The following DALRD3 variants were observed in gnomAD, a reference collection of about 807,000 sequenced individuals.
DALRD3 encodes the protein DALR anticodon binding domain containing 3.
DALRD3 carries 47 observed loss-of-function variants against 56.7 expected under a neutral mutation model. The observed-to-expected ratio is 0.83, with a 90% CI of 0.66 to 1.06. The LOEUF (loss-of-function observed/expected upper bound fraction) is 1.06, where lower values mean the gene tolerates loss of function less well. Among genes scored for constraint, DALRD3 ranks in the 50% least tolerant of loss-of-function variants. The pLI is 0.00. For missense variants in DALRD3, 787 were observed against 724.0 expected (o/e 1.09, Z -1.00); for synonymous variants, 347 against 308.5 (o/e 1.12, Z -1.31).
rs3923475 is a variant in DALRD3 at position 49,018,355 on chromosome 3, G to C, written c.166-37C>G. On this transcript the variant is annotated intron_variant, in intron 1 of 11. Transcript: ENST00000341949. ...CGGGCGTGTAAAAGAGCCACGGCACGGGGCCCATCTCCCGGCCGCACGGCC... is the reference window on the plus strand; with the variant it reads ...CGGGCGTGTAAAAGAGCCACGGCACCGGGCCCATCTCCCGGCCGCACGGCC... 2,280 of 1,516,330 alleles carry C rather than the reference G, an allele frequency of 1.5e-3. 29 individuals carry two copies. In the African/African-American group the frequency reaches 0.028, roughly 19 times the overall value. 93.9% of individuals were successfully genotyped at this position (1,516,330 alleles called of 1,614,324 possible).
In DALRD3 at chr3:49,018,473, C is replaced by G; in HGVS notation, c.92G>C (p.Arg31Pro). Residue 31 changes from arginine to proline, a missense_variant, in exon 1 of 12, where the codon CGC (arginine) becomes CCC (proline). Coordinates refer to ENST00000341949, the MANE Select transcript of DALRD3 (RefSeq NM_001009996.3). ...GTCTCGGGAACGCAGGTGGCGGGTGCGCGTCTCCTTGATCCACACCGGACC... is the reference window on the plus strand; with the variant it reads ...GTCTCGGGAACGCAGGTGGCGGGTGGGCGTCTCCTTGATCCACACCGGACC... Reference protein sequence around the residue: ...PGGPVWIKETRTRHLRSRDFL... With the variant: ...PGGPVWIKETPTRHLRSRDFL... 1 of 1,587,578 alleles carries G rather than the reference C, an allele frequency of 6.3e-7. No individual in the cohort carries two copies. Among genetic ancestry groups the G allele is most frequent in the African/African-American group, 1.3e-5 (1 of 74,406 alleles).
upstream of DALRD3, chr3:49,018,617 TC>T (rs2093123299): frequency 6.7e-7 from 1 of 1,493,402 alleles, no homozygotes; most frequent in African/African-American, 1.4e-5. Context: ...AGGTGGAACT[TC>T]CGGAAAGGAC....
Position 49,017,454 on chromosome 3 carries a change from C to T in DALRD3, c.778G>A (p.Glu260Lys), listed in dbSNP as rs770685236. 9 of 1,614,004 alleles carry T rather than the reference C, an allele frequency of 5.6e-6. No homozygotes were observed. The highest frequency in any genetic ancestry group is 3.3e-5 in the Admixed American group (2 of 60,000). The change falls in exon 4 of 12, where the codon GAG becomes AAG. Residue 260 changes from glutamate (E) to lysine (K), a missense_variant. Coordinates refer to ENST00000341949, the MANE Select transcript of DALRD3 (RefSeq NM_001009996.3). ...ELQEALWHWP[E>K]DSHPGLAGAS... is the part of the protein sequence containing the mutation. Reference sequence around the variant, plus strand: ...CTAACCAGGCCTGGGTGGCTGTCCTCGGGCCAATGCCATAGAGCCTCTTGC... The same window carrying T: ...CTAACCAGGCCTGGGTGGCTGTCCTTGGGCCAATGCCATAGAGCCTCTTGC...
At position 49,017,888 on chromosome 3, in the gene DALRD3, C is replaced by A; in HGVS notation, c.462-19G>T. 6.3e-7 allele frequency: 1 copy of A among 1,585,136 alleles called. No homozygotes were observed. The highest frequency in any genetic ancestry group is 8.5e-7 in the Non-Finnish European group (1 of 1,172,902). On this transcript the variant is annotated intron_variant, in intron 2 of 11. Transcript: ENST00000341949. ...GCACACCCTGCGAAGGGAGGGCGGC[C>A]GCCTCAGTCTGAGCACCTGGTCCAG...
upstream of DALRD3, chr3:49,020,484 C>T (rs1171605580): frequency 5.5e-5 from 21 of 383,216 alleles, no homozygotes; most frequent in Non-Finnish European, 1.1e-5. Context: ...GAGATGGCCA[C>T]CAGCCTCGGC....
At position 49,017,709 on chromosome 3, in the gene DALRD3, G is replaced by T; in HGVS notation, c.622C>A (p.Leu208Met). The stretch of plus-strand genomic sequence containing the variant: ...AGTCTGCCTAGGATGCCAGGGGACA[G>T]TGTCCTCCCGTCATTAGCAGAGGTA... ...ELTSANDGRTLSPGILGRLCL... is the reference protein window; with the variant it reads ...ELTSANDGRTMSPGILGRLCL... The change falls in exon 3 of 12, where the codon CTG (leucine) becomes ATG (methionine). Residue 208 changes from leucine to methionine, a missense_variant. Coordinates refer to ENST00000341949, the MANE Select transcript of DALRD3 (RefSeq NM_001009996.3). The T allele has an allele frequency of 6.2e-7, 1 of 1,614,164 alleles. No individual in the cohort carries two copies. The highest frequency in any genetic ancestry group is 8.5e-7 in the Non-Finnish European group (1 of 1,180,040).
chr3:49,020,465 A>C, upstream of DALRD3: 1 of 383,520 alleles, frequency 2.6e-6, no homozygotes, highest in Non-Finnish European at 5.4e-6. Flanking sequence ...AATCCTCCCC[A>C]GGGTTCCAGA....
chr3:49,019,159 C>T (rs998860501), upstream of DALRD3: 1 of 391,212 alleles, frequency 2.6e-6, no homozygotes, highest in Non-Finnish European at 3.5e-6. Context: ...CTGCAGCCTC[C>T]ACCTCCCGGA....
In DALRD3 at chr3:49,017,882, G is replaced by A; in HGVS notation, c.462-13C>T. ...GCGCACGCACACCCTGCGAAGGGAG[G>A]GCGGCCGCCTCAGTCTGAGCACCTG... On this transcript the variant is annotated splice_polypyrimidine_tract_variant and intron_variant, in intron 2 of 11. Coordinates refer to ENST00000341949, the MANE Select transcript of DALRD3 (RefSeq NM_001009996.3). 1.3e-6 allele frequency: 2 copies of A among 1,584,332 alleles called. No individual in the cohort carries two copies. Among genetic ancestry groups the A allele is most frequent in the Non-Finnish European group, 1.7e-6 (2 of 1,172,920 alleles).
Position 49,016,199 on chromosome 3 carries a change from G to A in DALRD3, c.1288C>T (p.Pro430Ser). The change falls in exon 9 of 12, where the codon CCT (proline) becomes TCT (serine). Residue 430 changes from proline to serine, a missense_variant. Pro to Ser is a moderately conservative substitution (Grantham distance 74). Coordinates refer to ENST00000341949, the MANE Select transcript of DALRD3 (RefSeq NM_001009996.3). ...SMEQGLYPTFPPVSSLDFSLL... is the reference protein window; with the variant it reads ...SMEQGLYPTFSPVSSLDFSLL... ...GAGAAGTCCAGACTGCTCACAGGAG[G>A]AAAAGTGGGGTACAGACCTTGTTCC... is the stretch of plus-strand genomic sequence containing the variant. The A allele has an allele frequency of 6.2e-7, 1 of 1,614,152 alleles. No individual in the cohort carries two copies. Among genetic ancestry groups the A allele is most frequent in the Non-Finnish European group, 8.5e-7 (1 of 1,180,034 alleles).
chr3:49,015,553 TG>T lies in DALRD3; in HGVS notation c.*34del, dbSNP rs2093051597. The stretch of plus-strand genomic sequence containing the variant: ...TTGCTTTTTTTCCAGTTGATGACTT[TG>T]TGAACATTCCCAGGTATTGGAGCCT... On this transcript the variant is annotated 3_prime_UTR_variant, in exon 12 of 12. Coordinates refer to ENST00000341949, the MANE Select transcript of DALRD3 (RefSeq NM_001009996.3). 6.2e-7 allele frequency: 1 copy of T among 1,609,206 alleles called. No individual in the cohort carries two copies. The highest frequency in any genetic ancestry group is 1.3e-5 in the African/African-American group (1 of 74,720).
Position 49,018,003 on chromosome 3 carries a change from G to T in DALRD3, c.461+20C>A. On this transcript the variant is annotated intron_variant, in intron 2 of 11. Coordinates refer to ENST00000341949, the MANE Select transcript of DALRD3 (RefSeq NM_001009996.3). ...CCGGCAGTCCCACTTTCTCCATTCC[G>T]GCCCCGCGGCCCCGCTCACCCGTGA... The T allele has an allele frequency of 1.4e-6, 2 of 1,474,672 alleles. No homozygotes were observed. The highest frequency in any genetic ancestry group is 2.7e-5 in the South Asian group (2 of 73,194). The allele number at this position is 1,474,672 out of a possible 1,614,324, so 91.3% of individuals were successfully genotyped here.
In DALRD3 at chr3:49,017,736, GTTC is replaced by G; in HGVS notation, c.592_594del (p.Glu198del). Reference sequence around the variant, plus strand: ...GTCCTCCCGTCATTAGCAGAGGTAAGTTCTTCAAGGGCGTGGCTCCTCAGGGTG... The same window carrying G: ...GTCCTCCCGTCATTAGCAGAGGTAAGTTCAAGGGCGTGGCTCCTCAGGGTG... On this transcript the variant is annotated inframe_deletion, in exon 3 of 12. Transcript: ENST00000341949. The G allele has an allele frequency of 6.2e-7, 1 of 1,614,086 alleles. No individual in the cohort carries two copies. Among genetic ancestry groups the G allele is most frequent in the Non-Finnish European group, 8.5e-7 (1 of 1,180,044 alleles).
rs1362559563 is a variant in DALRD3 at position 49,017,604 on chromosome 3, A to G, written c.718+9T>C. 1.9e-6 allele frequency: 3 copies of G among 1,614,120 alleles called. No individual in the cohort carries two copies. The highest frequency in any genetic ancestry group is 2.2e-5 in the South Asian group (2 of 91,086). ...GCCTTTTCTGGCCCTGCTAGGCTTC[A>G]GGTCCTACCCAGACAGTTGTCCAGG... is the stretch of plus-strand genomic sequence containing the variant. On this transcript the variant is annotated intron_variant, in intron 3 of 11. Transcript: ENST00000341949.
rs371580830 is a variant in DALRD3 at position 49,017,260 on chromosome 3, G to A, written c.895C>T (p.Gln299Ter). 8 of 1,613,992 alleles carry A rather than the reference G, an allele frequency of 5.0e-6. No individual in the cohort carries two copies. The highest frequency in any genetic ancestry group is 2.7e-5 in the African/African-American group (2 of 74,908). Residue 299 changes from glutamine to a stop codon, truncating the protein, a stop_gained, in exon 5 of 12, where the codon CAG (glutamine) becomes TAG (stop). Coordinates refer to ENST00000341949, the MANE Select transcript of DALRD3 (RefSeq NM_001009996.3). LOFTEE classifies it high-confidence loss of function. ...AGTGGAGCCTTGTCAACCAACTTCT[G>A]CCAAAGCAGGTCCAACTTCTGTTGC... ...FQQQKLDLLW[Q>*]KLVDKAPLRQ... is the part of the protein sequence containing the mutation.
In DALRD3 at chr3:49,017,307, A is replaced by G; in HGVS notation, c.848T>C (p.Val283Ala). Residue 283 changes from valine to alanine, a missense_variant, in exon 5 of 12, where the codon GTT becomes GCT. Coordinates refer to ENST00000341949, the MANE Select transcript of DALRD3 (RefSeq NM_001009996.3). ...GTGGCLVVHV[V>A]SCEEEFQQQK... Reference sequence around the variant, plus strand: ...TTGCTGGAACTCCTCCTCACAGCTAACAACATGTACAACCAGGCAGCCGCC... The same window carrying G: ...TTGCTGGAACTCCTCCTCACAGCTAGCAACATGTACAACCAGGCAGCCGCC... 6.2e-7 allele frequency: 1 copy of G among 1,614,212 alleles called. No individual in the cohort carries two copies. Among genetic ancestry groups the G allele is most frequent in the Non-Finnish European group, 8.5e-7 (1 of 1,180,038 alleles).
At chr3:49,018,343 G>GAGCC (rs2093116230) in intron 1 of DALRD3, 25 bp from the exon 2 acceptor site, 1 of 1,497,732 alleles carries the variant, frequency 6.7e-7, no homozygotes, top group Admixed American at 2.3e-5. Flanking sequence ...GCGTGTAAAA[G>GAGCC]AGCCACGGCA....
At chr3:49,019,290 C>T (rs1412932532), upstream of DALRD3, among the ~76,000 whole-genome samples, 1 of 150,938 alleles carries the variant, frequency 6.6e-6, no homozygotes, top group Non-Finnish European at 1.5e-5. Context: ...CCAGGCTGGT[C>T]TCGAACTCCT....
At chr3:49,018,832 A>G, upstream of DALRD3, 5 of 985,428 alleles carry the variant, frequency 5.1e-6, no homozygotes, top group Non-Finnish European at 6.0e-6. Flanking sequence ...AACCAGGAAA[A>G]GGATCCTCGC....
Sources: gnomAD v4.1 joint callset for allele counts (sites outside exome capture counted in the v4.1 genomes callset) on GRCh38, gnomAD v4.1.1 for gene constraint, MANE v1.5 for transcripts, NCBI Gene and HGNC (gene_info 2026-07-23, HGNC 2026-07-21) for gene names.